Variants in NKTR observed in about 807,000 individuals in gnomAD.
NKTR encodes the protein natural killer cell triggering receptor, also known as NK-tumor recognition protein.
Under a neutral mutation model 156.3 loss-of-function variants are expected in NKTR, and 67 were observed. The observed-to-expected ratio is 0.43, with a 90% CI of 0.35 to 0.53. NKTR has a LOEUF of 0.53. Ranked by LOEUF, NKTR falls within the 20% of genes least tolerant of loss-of-function variation. NKTR has a pLI of 0.01. For synonymous variants in NKTR, 640 were observed against 596.6 expected (o/e 1.07, Z -1.06); for missense variants, 1,604 against 1,730.9 (o/e 0.93, Z 1.30).
chr3:42,624,126 T>A (rs1708156103), intron 6 of NKTR, among the ~76,000 whole-genome samples: 1 of 152,134 alleles, frequency 6.6e-6, no homozygotes, highest in South Asian at 2.1e-4. Context: ...CATATATTGC[T>A]TTCTTTGGCT....
intron 16 of NKTR, among the ~76,000 whole-genome samples, chr3:42,644,546 T>C (rs1710195204): frequency 1.3e-5 from 2 of 152,212 alleles, no homozygotes; most frequent in Non-Finnish European, 1.5e-5. Context: ...TGCCTTCCCC[T>C]GTCCATTGCA....
In NKTR at chr3:42,639,673, C is replaced by G; in HGVS notation, c.3969C>G (p.Thr1323=). 6.2e-7 allele frequency: 1 copy of G among 1,613,934 alleles called. No individual in the cohort carries two copies. Among genetic ancestry groups the G allele is most frequent in the South Asian group, 1.1e-5 (1 of 91,074 alleles). Residue 1323 remains threonine (T), a synonymous_variant, in exon 13 of 17, where the codon ACC becomes ACG. Transcript: ENST00000232978. ...GTAGATCTCGAAGTAAATCTGAAAC[C>G]AAATCAAGACACAGAACAAGGTCTG... The part of the protein sequence containing the change: ...SPSRSRSKSE[T]KSRHRTRSVS...
At chr3:42,644,147 C>T in intron 16 of NKTR, 144 bp downstream of exon 16, 1 of 548,568 alleles carries the variant, frequency 1.8e-6, no homozygotes, top group Non-Finnish European at 3.2e-6. Context: ...ATCTGAACAA[C>T]CCACAAGCAG....
chr3:42,631,794 T>C (rs571584891), intron 8 of NKTR, among the ~76,000 whole-genome samples: 1 of 152,284 alleles, frequency 6.6e-6, no homozygotes, highest in East Asian at 1.9e-4. Flanking sequence ...CTGGTCTGGC[T>C]CTCTGCTGTC....
intron 16 of NKTR, among the ~76,000 whole-genome samples, chr3:42,644,872 C>G (rs1377321401): frequency 6.6e-6 from 1 of 152,172 alleles, no homozygotes; most frequent in Non-Finnish European, 1.5e-5. Flanking sequence ...GCCTCTAAGA[C>G]AGCCCTTTGC....
rs370854731 is a variant in NKTR at position 42,607,935 on chromosome 3, C to CT, written c.58+6872dup. On this transcript the variant is annotated intron_variant, in intron 2 of 16. Coordinates refer to ENST00000232978, the MANE Select transcript of NKTR (RefSeq NM_005385.4). ...AATCAGTTCCACAAGACTGCTCCCA[C>CT]TGCGGGCATGCCAATCGCAAGTCCT... Among the ~76,000 whole-genome samples the CT allele has an allele frequency of 1.2e-3, 164 of 137,608 alleles. 1 individual carries two copies. The Middle Eastern group carries it at 0.012, about 10-fold the overall frequency. 90.3% of individuals were successfully genotyped at this position (137,608 alleles called of 152,430 possible).
In NKTR at chr3:42,638,681, G is replaced by A. The variant is rs775511095; in HGVS notation, c.2977G>A (p.Val993Met). ...TCTTAAAAGAGAACACACCAAAAAA[G>A]TGAAAGAGAAATTGAAAGGGAAAAA... ...ENLKREHTKKVKEKLKGKKDK... is the reference protein window; with the variant it reads ...ENLKREHTKKMKEKLKGKKDK... Residue 993 changes from valine to methionine, a missense_variant, in exon 13 of 17, where the codon GTG (valine) becomes ATG (methionine). Val to Met is a conservative substitution (Grantham distance 21). Coordinates refer to ENST00000232978, the MANE Select transcript of NKTR (RefSeq NM_005385.4). The A allele has an allele frequency of 1.2e-6, 2 of 1,611,758 alleles. No homozygotes were observed. The highest frequency in any genetic ancestry group is 1.7e-4 in the Middle Eastern group (1 of 6,048).
At chr3:42,627,848 A>T (rs1708536120) in intron 6 of NKTR, 3 of 985,278 alleles carry the variant, frequency 3.0e-6, no homozygotes, top group African/African-American at 3.5e-5. Context: ...ACCATTGCAC[A>T]GCTCTTTAAA....
intron 8 of NKTR, among the ~76,000 whole-genome samples, chr3:42,632,061 C>CTTTTTTTT (rs564114469): frequency 3.5e-5 from 3 of 86,496 alleles, no homozygotes; most frequent in Non-Finnish European, 4.2e-5. Flanking sequence ...TTATGCAATT[C>CTTTTTTTT]TTTTTTTTTT....
intron 2 of NKTR, among the ~76,000 whole-genome samples, chr3:42,605,690 T>C (rs1164914501): frequency 1.3e-5 from 2 of 152,200 alleles, no homozygotes; most frequent in Non-Finnish European, 2.9e-5. Context: ...TCTGAGGGAA[T>C]AGGAGAAATG....
In NKTR at chr3:42,636,854, T is replaced by C. The variant is rs763100686; in HGVS notation, c.1164-14T>C. ...CTTATAAATCACCGCATGAATATTA[T>C]GTCCTTTCTATAGGTTAAGTGACCC... On this transcript the variant is annotated splice_polypyrimidine_tract_variant and intron_variant, in intron 12 of 16. Coordinates refer to ENST00000232978, the MANE Select transcript of NKTR (RefSeq NM_005385.4). 8 of 1,540,704 alleles carry C rather than the reference T, an allele frequency of 5.2e-6. No homozygotes were observed. The highest frequency in any genetic ancestry group is 7.0e-6 in the Non-Finnish European group (8 of 1,150,302).
rs547659571 is a variant in NKTR at position 42,619,867 on chromosome 3, A to G, written c.286+159A>G. On this transcript the variant is annotated intron_variant, in intron 5 of 16. Transcript: ENST00000232978. Reference sequence around the variant, plus strand: ...ATTTGCATGAATTTGGGGATAAATTATATTGTAATATATAATTTTTAATTG... The same window carrying G: ...ATTTGCATGAATTTGGGGATAAATTGTATTGTAATATATAATTTTTAATTG... The G allele has an allele frequency of 1.6e-4, 228 of 1,413,270 alleles. 3 individuals are homozygous for G. The East Asian group carries it at 5.5e-3, about 34-fold the overall frequency. 87.5% of individuals were successfully genotyped at this position (1,413,270 alleles called of 1,614,324 possible).
chr3:42,631,107 G>A, intron 7 of NKTR, 64 bp from the exon 8 acceptor site: 1 of 1,584,292 alleles, frequency 6.3e-7, no homozygotes. Flanking sequence ...ACAGTTAATT[G>A]TCTTGATTAC....
intron 14 of NKTR, among the ~76,000 whole-genome samples, chr3:42,643,093 C>T (rs72864055): frequency 0.012 from 1,807 of 152,290 alleles, 29 homozygotes; most frequent in African/African-American, 0.042. Flanking sequence ...CCCCTAACTC[C>T]ACCCAGTTTA....
intron 10 of NKTR, 131 bp downstream of exon 10, chr3:42,633,866 T>C (rs1709141299): frequency 1.1e-6 from 1 of 946,746 alleles, no homozygotes; most frequent in Admixed American, 2.2e-5. Context: ...ATGGGAGTAT[T>C]AGATTAATGA....
Position 42,637,455 on chromosome 3 carries a change from C to T in NKTR, c.1751C>T (p.Pro584Leu), listed in dbSNP as rs1284632047. 1.2e-6 allele frequency: 2 copies of T among 1,613,052 alleles called. No homozygotes were observed. Among genetic ancestry groups the T allele is most frequent in the African/African-American group, 2.7e-5 (2 of 74,842 alleles). Residue 584 changes from proline (P) to leucine (L), a missense_variant, in exon 13 of 17, where the codon CCT becomes CTT. This residue lies in a region of NKTR where 1,255 missense variants were observed against 1,243.7 expected (regional missense o/e 1.01). Transcript: ENST00000232978. The part of the protein sequence containing the change: ...LSENKPVKTE[P>L]LRATMAQNEN... The stretch of plus-strand genomic sequence containing the variant: ...GAAAATAAACCAGTTAAAACAGAAC[C>T]TTTAAGAGCAACCATGGCACAAAAT...
At position 42,619,002 on chromosome 3, in the gene NKTR, T is replaced by TC; in HGVS notation, c.134-18_134-17insC. The TC allele has an allele frequency of 6.8e-7, 1 of 1,471,066 alleles. No homozygotes were observed. The highest frequency in any genetic ancestry group is 9.1e-7 in the Non-Finnish European group (1 of 1,096,490). The allele number at this position is 1,471,066 out of a possible 1,614,324, so 91.1% of individuals were successfully genotyped here. On this transcript the variant is annotated splice_polypyrimidine_tract_variant and intron_variant, in intron 3 of 16. Transcript: ENST00000232978. ...TAAATAATTAAACTTCATTTCTTTT[T>TC]TTTTTTTTTTTTTCCAGGAGAGAAA... is the stretch of plus-strand genomic sequence containing the variant.
At chr3:42,610,130 C>T (rs569525370) in intron 2 of NKTR, among the ~76,000 whole-genome samples, 46 of 152,178 alleles carry the variant, frequency 3.0e-4, no homozygotes, top group Non-Finnish European at 5.4e-4. Flanking sequence ...CTCAGCCTCC[C>T]GAGTAGCTGG....
At chr3:42,613,155 G>A (rs1376421237) in intron 2 of NKTR, among the ~76,000 whole-genome samples, 1 of 152,100 alleles carries the variant, frequency 6.6e-6, no homozygotes, top group Non-Finnish European at 1.5e-5. Context: ...TTATATATAA[G>A]TGCCCTTAGT....
Sources: allele counts gnomAD v4.1 joint callset (sites outside exome capture counted in the v4.1 genomes callset), GRCh38; gene constraint gnomAD v4.1.1; regional missense constraint gnomAD v4.1.1; transcripts MANE v1.5; gene names NCBI Gene and HGNC (gene_info 2026-07-23, HGNC 2026-07-21).